GALE: variants seen among roughly 807,000 people sequenced by gnomAD.
GALE encodes the protein UDP-galactose-4-epimerase.
In GALE, 32 loss-of-function variants were observed where a neutral mutation model predicts 44.1. The ratio of observed to expected loss-of-function variants is 0.73; its 90% CI spans 0.55 to 0.97. GALE has a LOEUF of 0.97. Ranked by LOEUF, GALE falls within the 50% of genes least tolerant of loss-of-function variation. GALE has a pLI of 0.00. For synonymous variants in GALE, 182 were observed against 183.5 expected, an observed-to-expected ratio of 0.99 and a Z score of 0.06; for missense variants, 423 against 455.6, an observed-to-expected ratio of 0.93 and a Z score of 0.65.
chr1:23,800,734 C>T lies in GALE; in HGVS notation c.-99G>A, dbSNP rs1372270076. 1 of 152,208 alleles carries T rather than the reference C, an allele frequency of 6.6e-6. No individual in the cohort carries two copies. The highest frequency in any genetic ancestry group is 1.5e-5 in the Non-Finnish European group (1 of 68,068). 9.4% of individuals were successfully genotyped at this position (152,208 alleles called of 1,614,324 possible). ...AACCTGCTCGGGTTCCCGCGCCCCA[C>T]GCTTGCTGCAGAGGCACCGCCTCCT... On this transcript the variant is annotated 5_prime_UTR_variant, in exon 1 of 12. It adds an upstream start codon to the 5' untranslated region. Coordinates refer to ENST00000617979, the MANE Select transcript of GALE (RefSeq NM_001008216.2).
Position 23,799,375 on chromosome 1 carries a change from G to T in GALE, c.-15C>A. 3 of 338,812 alleles carry T rather than the reference G, an allele frequency of 8.9e-6. No homozygotes were observed. Among genetic ancestry groups the T allele is most frequent in the South Asian group, 4.9e-5 (2 of 40,502 alleles). 21.0% of individuals were successfully genotyped at this position (338,812 alleles called of 1,614,324 possible). The stretch of plus-strand genomic sequence containing the variant: ...TTCTAGTTCCACTTGCCTTGGAGTT[G>T]GAAAAGATGGAATCTGAGGATCCAC... On this transcript the variant is annotated 5_prime_UTR_variant, in exon 2 of 12. Transcript: ENST00000617979.
chr1:23,799,283 T>A (rs1639059159), intron 2 of GALE, 83 bp downstream of exon 2: 3 of 487,488 alleles, frequency 6.2e-6, no homozygotes, highest in African/African-American at 5.9e-5. Flanking sequence ...GCGTGAGGGT[T>A]CAGTGAGGTG....
rs760692655 is a variant in GALE at position 23,796,910 on chromosome 1, G to A, written c.675C>T (p.Val225=). 1.2e-6 allele frequency: 2 copies of A among 1,613,828 alleles called. No homozygotes were observed. Among genetic ancestry groups the A allele is most frequent in the Admixed American group, 3.3e-5 (2 of 59,974 alleles). ...VAIGRREALN[V]FGNDYDTEDG... is the part of the protein sequence containing the mutation. Reference sequence around the variant, plus strand: ...CCTCTGTGTCATAGTCATTGCCAAAGACATTCAGGGCCTCCCGTCGCCCGA... The same window carrying A: ...CCTCTGTGTCATAGTCATTGCCAAAAACATTCAGGGCCTCCCGTCGCCCGA... Residue 225 remains valine (V), a synonymous_variant, in exon 8 of 12, where the codon GTC becomes GTT. Coordinates refer to ENST00000617979, the MANE Select transcript of GALE (RefSeq NM_001008216.2). The surrounding 1 kb of genome is among the most constrained non-coding windows in gnomAD (Gnocchi z 5.2).
chr1:23,798,201 C>G lies in GALE; in HGVS notation c.267G>C (p.Ala89=), dbSNP rs369432619. The change falls in exon 5 of 12, where the codon GCG becomes GCC. Residue 89 remains alanine, a synonymous_variant. Transcript: ENST00000617979. The surrounding 1 kb of genome is among the most constrained non-coding windows in gnomAD (Gnocchi z 4.5). ...KYSFMAVIHF[A]GLKAVGESVQ... ...CCGACTCGCCCACGGCCTTGAGCCCCGCAAAGTGGATGACCGCCATAAAGC... is the reference window on the plus strand; with the variant it reads ...CCGACTCGCCCACGGCCTTGAGCCCGGCAAAGTGGATGACCGCCATAAAGC... The G allele has an allele frequency of 6.2e-7, 1 of 1,614,032 alleles. No individual in the cohort carries two copies. The highest frequency in any genetic ancestry group is 8.5e-7 in the Non-Finnish European group (1 of 1,180,002).
rs1193535227 is a variant in GALE at position 23,798,957 on chromosome 1, G to A, written c.51C>T (p.His17=). 2.5e-6 allele frequency: 4 copies of A among 1,614,148 alleles called. No homozygotes were observed. Among genetic ancestry groups the A allele is most frequent in the Non-Finnish European group, 3.4e-6 (4 of 1,180,022 alleles). The part of the protein sequence containing the change: ...VTGGAGYIGS[H]TVLELLEAGY... ...CAGCCTCCAGCAGCTCCAGCACCGT[G>A]TGGCTGCCAATGTAGCCAGCCCCAC... The change falls in exon 3 of 12, where the codon CAC becomes CAT. Residue 17 remains histidine (H), a synonymous_variant. Coordinates refer to ENST00000617979, the MANE Select transcript of GALE (RefSeq NM_001008216.2). This position sits in a 1 kb window ranked among gnomAD's most constrained non-coding sequence, Gnocchi z 4.5.
rs1375059170 is a variant in GALE, at chr1:23,795,896, G to A, written c.*53C>T. On this transcript the variant is annotated 3_prime_UTR_variant, in exon 12 of 12. Coordinates refer to ENST00000617979, the MANE Select transcript of GALE (RefSeq NM_001008216.2). ...TCCAGGGCCCTGAGTTCCTGCCAGA[G>A]GCTGGAGAGCAGGCAGCTGCTGCTT... The A allele has an allele frequency of 1.3e-6, 2 of 1,563,472 alleles. No individual in the cohort carries two copies. The highest frequency in any genetic ancestry group is 8.8e-7 in the Non-Finnish European group (1 of 1,136,946).
At chr1:23,797,548 A>G in intron 6 of GALE, 147 bp downstream of exon 6, 1 of 778,724 alleles carries the variant, frequency 1.3e-6, no homozygotes. Flanking sequence ...TTTAGAAACA[A>G]GCAGGGGATG....
chr1:23,796,382 G>T lies in GALE; in HGVS notation c.874-117C>A. ...CTGGCCCGCAGGCACCGGGTGCTAG[G>T]CAGGCTGAGGAGACTGGGCAGTGCC... On this transcript the variant is annotated intron_variant, in intron 10 of 11. Coordinates refer to ENST00000617979, the MANE Select transcript of GALE (RefSeq NM_001008216.2). This position sits in a 1 kb window ranked among gnomAD's most constrained non-coding sequence, Gnocchi z 5.2. 1 of 1,418,548 alleles carries T rather than the reference G, an allele frequency of 7.0e-7. No homozygotes were observed. The highest frequency in any genetic ancestry group is 9.9e-7 in the Non-Finnish European group (1 of 1,007,376). The allele number at this position is 1,418,548 out of a possible 1,614,324, so 87.9% of individuals were successfully genotyped here.
chr1:23,797,888 G>A lies in GALE; in HGVS notation c.352-17C>T. 1 of 1,613,768 alleles carries A rather than the reference G, an allele frequency of 6.2e-7. No individual in the cohort carries two copies. The highest frequency in any genetic ancestry group is 8.5e-7 in the Non-Finnish European group (1 of 1,179,678). On this transcript the variant is annotated splice_polypyrimidine_tract_variant and intron_variant, in intron 5 of 11. Transcript: ENST00000617979. The stretch of plus-strand genomic sequence containing the variant: ...CTTCATGATCTGGCCGTGGAGAGAT[G>A]GCATCAGTGACCTCTGCCTCACACA...
intron 1 of GALE, chr1:23,800,077 C>G (rs908782987): frequency 7.2e-5 from 11 of 152,358 alleles, no homozygotes; most frequent in African/African-American, 2.7e-4. Context: ...CCCAGCATCT[C>G]GGTGAGACAG....
Position 23,798,941 on chromosome 1 carries a change from G to A in GALE, c.67C>T (p.Leu23=), listed in dbSNP as rs753266922. The A allele has an allele frequency of 6.2e-7, 1 of 1,614,084 alleles. No individual in the cohort carries two copies. Among genetic ancestry groups the A allele is most frequent in the African/African-American group, 1.3e-5 (1 of 74,954 alleles). Residue 23 remains leucine, a synonymous_variant, in exon 3 of 12, where the codon CTG becomes TTG. Transcript: ENST00000617979. The surrounding 1 kb of genome is among the most constrained non-coding windows in gnomAD (Gnocchi z 4.5). The part of the protein sequence containing the change: ...YIGSHTVLEL[L]EAGYLPVVID... ...ACCACAGGCAAGTAGCCAGCCTCCAGCAGCTCCAGCACCGTGTGGCTGCCA... is the reference window on the plus strand; with the variant it reads ...ACCACAGGCAAGTAGCCAGCCTCCAACAGCTCCAGCACCGTGTGGCTGCCA...
Position 23,795,842 on chromosome 1 carries a change from A to G in GALE, c.*107T>C, listed in dbSNP as rs1308215262. 9.1e-7 allele frequency: 1 copy of G among 1,104,806 alleles called. No homozygotes were observed. The highest frequency in any genetic ancestry group is 1.5e-5 in the African/African-American group (1 of 64,850). 68.4% of individuals were successfully genotyped at this position (1,104,806 alleles called of 1,614,324 possible). On this transcript the variant is annotated 3_prime_UTR_variant, in exon 12 of 12. Coordinates refer to ENST00000617979, the MANE Select transcript of GALE (RefSeq NM_001008216.2). ...AGCGGGCCCAGCTGGGGTTTGAGGT[A>G]GGGGAGGCCTTGGCTTGGCCCCAGC...
At chr1:23,797,670 A>G in intron 6 of GALE, 25 bp downstream of exon 6, 1 of 1,611,756 alleles carries the variant, frequency 6.2e-7, no homozygotes, top group Admixed American at 1.7e-5. Context: ...CAGTGGAGCC[A>G]GGGCACTGTC....
At position 23,798,812 on chromosome 1, in the gene GALE, C is replaced by G; in HGVS notation, c.121+75G>C. On this transcript the variant is annotated intron_variant, in intron 3 of 11. Transcript: ENST00000617979. This position sits in a 1 kb window ranked among gnomAD's most constrained non-coding sequence, Gnocchi z 4.5. ...ACTAGCCAGACACACATTCCCCGCC[C>G]GGTGGTGGAGGTGGAACCCAGGGTT... 1.9e-6 allele frequency: 3 copies of G among 1,611,978 alleles called. No homozygotes were observed. The highest frequency in any genetic ancestry group is 2.5e-6 in the Non-Finnish European group (3 of 1,178,042).
chr1:23,795,740 G>A lies in GALE; in HGVS notation c.*209C>T, dbSNP rs907384880. 3 of 618,766 alleles carry A rather than the reference G, an allele frequency of 4.8e-6. No individual in the cohort carries two copies. The highest frequency in any genetic ancestry group is 8.7e-6 in the Non-Finnish European group (3 of 345,670). The allele number at this position is 618,766 out of a possible 1,614,324, so 38.3% of individuals were successfully genotyped here. On this transcript the variant is annotated 3_prime_UTR_variant, in exon 12 of 12. Transcript: ENST00000617979. ...CTCTTGGGGGTCCTGATGAACTCTT[G>A]GACCCTGTGGAAGATAAGAGTTAGA...
At chr1:23,800,152 G>C (rs1354732983) in intron 1 of GALE, 1 of 152,226 alleles carries the variant, frequency 6.6e-6, no homozygotes, top group East Asian at 1.9e-4. Flanking sequence ...GTTGCCCTTC[G>C]GTCCCACAGC....
rs72872175 is a variant in GALE at position 23,798,007 on chromosome 1, G to A, written c.351+110C>T. 5,749 of 1,316,468 alleles carry A rather than the reference G, an allele frequency of 4.4e-3. 172 individuals carry two copies. In the African/African-American group the frequency reaches 0.07, roughly 16 times the overall value. 81.5% of individuals were successfully genotyped at this position (1,316,468 alleles called of 1,614,324 possible). A position where few individuals can be genotyped will look rare whatever the true frequency, so the allele number is the denominator to read the frequency against. On this transcript the variant is annotated intron_variant, in intron 5 of 11. Coordinates refer to ENST00000617979, the MANE Select transcript of GALE (RefSeq NM_001008216.2). The surrounding 1 kb of genome is among the most constrained non-coding windows in gnomAD (Gnocchi z 4.5). ...GGGGAAACTGAGACTGGGAGGTAAA[G>A]ACATGAGTCCAGGATGATACAGCTT... is the stretch of plus-strand genomic sequence containing the variant.
At position 23,796,345 on chromosome 1, in the gene GALE, G is replaced by A. The variant is rs1638948406; in HGVS notation, c.874-80C>T. ...GGCCAGGTCTTTAAGAAGCAGAAGTGCAGAGCAGCGGCTGGCCCGCAGGCA... is the reference window on the plus strand; with the variant it reads ...GGCCAGGTCTTTAAGAAGCAGAAGTACAGAGCAGCGGCTGGCCCGCAGGCA... On this transcript the variant is annotated intron_variant, in intron 10 of 11. Coordinates refer to ENST00000617979, the MANE Select transcript of GALE (RefSeq NM_001008216.2). This position sits in a 1 kb window ranked among gnomAD's most constrained non-coding sequence, Gnocchi z 5.2. 4.7e-6 allele frequency: 7 copies of A among 1,481,242 alleles called. No individual in the cohort carries two copies. Among genetic ancestry groups the A allele is most frequent in the African/African-American group, 1.4e-5 (1 of 72,346 alleles). The allele number at this position is 1,481,242 out of a possible 1,614,324, so 91.8% of individuals were successfully genotyped here.
Position 23,796,331 on chromosome 1 carries a change from TAAG to T in GALE, c.874-69_874-67del. On this transcript the variant is annotated intron_variant, in intron 10 of 11. Coordinates refer to ENST00000617979, the MANE Select transcript of GALE (RefSeq NM_001008216.2). The surrounding 1 kb of genome is among the most constrained non-coding windows in gnomAD (Gnocchi z 5.2). Reference sequence around the variant, plus strand: ...CTGGCCCAGCTGCTGGCCAGGTCTTTAAGAAGCAGAAGTGCAGAGCAGCGGCTG... The same window carrying T: ...CTGGCCCAGCTGCTGGCCAGGTCTTTAAGCAGAAGTGCAGAGCAGCGGCTG... The T allele has an allele frequency of 6.5e-7, 1 of 1,526,786 alleles. No homozygotes were observed. Among genetic ancestry groups the T allele is most frequent in the African/African-American group, 1.4e-5 (1 of 73,360 alleles). 94.6% of individuals were successfully genotyped at this position (1,526,786 alleles called of 1,614,324 possible).
Sources: gnomAD v4.1 joint callset for allele counts on GRCh38, gnomAD v4.1.1 for gene constraint, Gnocchi (gnomAD v3.1) non-coding constraint, MANE v1.5 for transcripts, NCBI Gene and HGNC (gene_info 2026-07-23, HGNC 2026-07-21) for gene names.